The following CTDSPL2 variants were observed in gnomAD, a reference collection of about 807,000 sequenced individuals.
The protein encoded by CTDSPL2 is CTD small phosphatase-like protein 2.
In CTDSPL2, 5 loss-of-function variants were observed where a neutral mutation model predicts 60.0. The ratio of observed to expected loss-of-function variants is 0.08; its 90% CI spans 0.04 to 0.18. The LOEUF is 0.18. Ranked by LOEUF, CTDSPL2 falls within the 10% of genes least tolerant of loss-of-function variation. CTDSPL2 has a pLI of 1.00. For missense variants in CTDSPL2, 370 were observed against 548.8 expected (o/e 0.67, Z 3.26); for synonymous variants, 186 against 189.3 (o/e 0.98, Z 0.14).
intron 1 of CTDSPL2, among the ~76,000 whole-genome samples, chr15:44,455,036 A>G (rs2080405769): frequency 6.6e-6 from 1 of 152,072 alleles, no homozygotes; most frequent in African/African-American, 2.4e-5. Context: ...CATTTTCACG[A>G]TATTGATTCT....
intron 1 of CTDSPL2, among the ~76,000 whole-genome samples, chr15:44,450,017 C>T (rs1270780383): frequency 5.3e-5 from 8 of 151,294 alleles, no homozygotes; most frequent in East Asian, 3.9e-4. Flanking sequence ...TATTTTTTTA[C>T]GTTTGCATTA....
intron 5 of CTDSPL2, 75 bp from the exon 6 acceptor site, chr15:44,496,301 TTAGA>T (rs1166363067): frequency 8.1e-6 from 8 of 985,528 alleles, no homozygotes; most frequent in East Asian, 2.5e-5. Flanking sequence ...TAGGAAGATC[TTAGA>T]TAGAAGCAGT....
intron 2 of CTDSPL2, among the ~76,000 whole-genome samples, chr15:44,474,044 T>C (rs564732114): frequency 6.6e-6 from 1 of 152,206 alleles, no homozygotes; most frequent in Non-Finnish European, 1.5e-5. Context: ...CCCAGGCTGG[T>C]CTCCAACTTC....
chr15:44,490,971 A>T lies in CTDSPL2; in HGVS notation c.663A>T (p.Thr221=). The T allele has an allele frequency of 6.2e-7, 1 of 1,614,118 alleles. No homozygotes were observed. Among genetic ancestry groups the T allele is most frequent in the South Asian group, 1.1e-5 (1 of 91,086 alleles). ...ATGGTTTAGAAGAAGCAGAAGAAAC[A>T]GTTAATCGTGATATCCCACCCCTTA... ...LNNGLEEAEE[T]VNRDIPPLTA... Residue 221 remains threonine (T), a synonymous_variant, in exon 5 of 13, where the codon ACA becomes ACT. Coordinates refer to ENST00000260327, the MANE Select transcript of CTDSPL2 (RefSeq NM_016396.3).
intron 5 of CTDSPL2, among the ~76,000 whole-genome samples, chr15:44,493,702 A>T (rs1430145668): frequency 6.6e-6 from 1 of 152,104 alleles, no homozygotes; most frequent in Non-Finnish European, 1.5e-5. Flanking sequence ...TGAAGGGCTG[A>T]GGTGGGAGGA....
At chr15:44,500,007 G>T (rs890303439) in intron 8 of CTDSPL2, among the ~76,000 whole-genome samples, 194 bp downstream of exon 8, 3 of 152,068 alleles carry the variant, frequency 2.0e-5, no homozygotes, top group African/African-American at 7.2e-5. Context: ...ACATTAATTT[G>T]TTACTCCAAA....
intron 1 of CTDSPL2, among the ~76,000 whole-genome samples, chr15:44,436,909 C>T (rs2079991387): frequency 6.6e-6 from 1 of 152,078 alleles, no homozygotes; most frequent in Admixed American, 6.6e-5. Context: ...TTTTGGATTT[C>T]AGATTTTTTT....
chr15:44,484,055 GC>G (rs1471975584), intron 2 of CTDSPL2, among the ~76,000 whole-genome samples, 168 bp from the exon 3 acceptor site: 1 of 152,152 alleles, frequency 6.6e-6, no homozygotes, highest in Non-Finnish European at 1.5e-5. Flanking sequence ...TGTTCTTACA[GC>G]CCTGTCAAAT....
At chr15:44,464,601 C>G (rs2080645443) in intron 2 of CTDSPL2, among the ~76,000 whole-genome samples, 1 of 152,154 alleles carries the variant, frequency 6.6e-6, no homozygotes, top group Non-Finnish European at 1.5e-5. Flanking sequence ...GATGGCTGCC[C>G]CTCACACCCC....
chr15:44,441,443 AG>A (rs2080083491), intron 1 of CTDSPL2, among the ~76,000 whole-genome samples: 1 of 152,132 alleles, frequency 6.6e-6, no homozygotes, highest in Non-Finnish European at 1.5e-5. Context: ...CCTTTGGTGG[AG>A]GTCTGTGGAA....
chr15:44,495,773 A>G (rs139228806), intron 5 of CTDSPL2, among the ~76,000 whole-genome samples: 4,566 of 151,894 alleles, frequency 0.03, 239 homozygotes, highest in African/African-American at 0.1. Flanking sequence ...GTCTCTACCA[A>G]AAATACAAAA....
chr15:44,515,634 G>C (rs1381565542), intron 10 of CTDSPL2, among the ~76,000 whole-genome samples: 3 of 152,156 alleles, frequency 2.0e-5, no homozygotes, highest in Non-Finnish European at 4.4e-5. Context: ...ACTTTGGGAG[G>C]CTGAGTCTGG....
chr15:44,441,377 C>G (rs1477366252), intron 1 of CTDSPL2, among the ~76,000 whole-genome samples: 1 of 152,152 alleles, frequency 6.6e-6, no homozygotes, highest in African/African-American at 2.4e-5. Context: ...CTCCCTTCCT[C>G]CAGCACTGCA....
chr15:44,461,461 T>G lies in CTDSPL2; in HGVS notation c.186+2261T>G, dbSNP rs143658295. Among the ~76,000 whole-genome samples the G allele has an allele frequency of 9.1e-3, 1,388 of 152,076 alleles. 27 individuals carry two copies. The highest frequency in any genetic ancestry group is 0.033 in the African/African-American group (1,349 of 41,492). ...TGGAGTGCAGTGATACTATCATAGC[T>G]CACTGCAGCCTTGAACTCCTGAGCT... On this transcript the variant is annotated intron_variant, in intron 2 of 12. Coordinates refer to ENST00000260327, the MANE Select transcript of CTDSPL2 (RefSeq NM_016396.3).
intron 1 of CTDSPL2, among the ~76,000 whole-genome samples, chr15:44,439,187 C>T (rs1370304803): frequency 6.6e-6 from 1 of 151,602 alleles, no homozygotes; most frequent in Non-Finnish European, 1.5e-5. Flanking sequence ...CTCGCTCTGT[C>T]GCCCAGGCTG....
At chr15:44,485,936 T>A (rs1305262198) in intron 3 of CTDSPL2, among the ~76,000 whole-genome samples, 2 of 152,210 alleles carry the variant, frequency 1.3e-5, no homozygotes, top group African/African-American at 4.8e-5. Flanking sequence ...GGATGATTAA[T>A]TAGAACAGTT....
At chr15:44,461,787 C>T (rs1018206712) in intron 2 of CTDSPL2, among the ~76,000 whole-genome samples, 1 of 151,968 alleles carries the variant, frequency 6.6e-6, no homozygotes, top group African/African-American at 2.4e-5. Flanking sequence ...AATATGTTTA[C>T]TATTTAAATG....
intron 8 of CTDSPL2, among the ~76,000 whole-genome samples, chr15:44,506,369 T>G (rs2140846247): frequency 6.7e-6 from 1 of 150,272 alleles, no homozygotes; most frequent in African/African-American, 2.4e-5. Flanking sequence ...ATCATATAAA[T>G]CACCTATATG....
chr15:44,497,442 T>C (rs964859887), intron 7 of CTDSPL2, among the ~76,000 whole-genome samples: 2 of 152,186 alleles, frequency 1.3e-5, no homozygotes, highest in Non-Finnish European at 2.9e-5. Context: ...CTCAGCTCAC[T>C]GCAAGCTCCG....
Sources: gnomAD v4.1 joint callset for allele counts (sites outside exome capture counted in the v4.1 genomes callset) on GRCh38, gnomAD v4.1.1 for gene constraint, MANE v1.5 for transcripts, NCBI Gene and HGNC (gene_info 2026-07-23, HGNC 2026-07-21) for gene names.